The following SYN3 variants were observed in gnomAD, a reference collection of about 807,000 sequenced individuals.
The protein encoded by SYN3 is synapsin III, also known as synapsin-3.
A neutral mutation model predicts 65.8 loss-of-function variants in SYN3; 35 were observed. The observed-to-expected ratio is 0.53, with a 90% CI of 0.41 to 0.70. SYN3 has a LOEUF of 0.70. Among genes scored for constraint, SYN3 ranks in the 30% least tolerant of loss-of-function variants. The pLI is 0.00. For synonymous variants in SYN3, 270 were observed against 292.9 expected (o/e 0.92, Z 0.80); for missense variants, 680 against 749.0 (o/e 0.91, Z 1.08).
chr22:32,944,491 CA>C (rs2051041772), intron 3 of SYN3, among the ~76,000 whole-genome samples: 1 of 152,180 alleles, frequency 6.6e-6, no homozygotes, highest in South Asian at 2.1e-4. Context: ...CAAAATTCAA[CA>C]GCCCTTCATG....
At chr22:32,530,770 C>A (rs943944206) in intron 10 of SYN3, among the ~76,000 whole-genome samples, 9 of 151,826 alleles carry the variant, frequency 5.9e-5, no homozygotes, top group Non-Finnish European at 7.4e-5. Flanking sequence ...TTTGGGAGGC[C>A]GGGGCGGGCG....
At chr22:32,624,309 G>T (rs2059636004) in intron 6 of SYN3, among the ~76,000 whole-genome samples, 1 of 152,152 alleles carries the variant, frequency 6.6e-6, no homozygotes, top group African/African-American at 2.4e-5. Flanking sequence ...TGGGTGGGGG[G>T]TCACTTTCAA....
At chr22:33,013,847 C>T (rs1253346502) in intron 1 of SYN3, among the ~76,000 whole-genome samples, 1 of 152,118 alleles carries the variant, frequency 6.6e-6, no homozygotes, top group African/African-American at 2.4e-5. Context: ...TGGCTTATCT[C>T]ACTTAGCATA....
chr22:32,775,471 G>C (rs1017639339), intron 6 of SYN3, among the ~76,000 whole-genome samples: 2 of 152,176 alleles, frequency 1.3e-5, no homozygotes, highest in African/African-American at 4.8e-5. Context: ...GCAGATAACT[G>C]TCGACGAGGA....
intron 6 of SYN3, among the ~76,000 whole-genome samples, chr22:32,646,564 G>C (rs190197619): frequency 1.3e-5 from 2 of 152,262 alleles, no homozygotes; most frequent in Non-Finnish European, 2.9e-5. Flanking sequence ...TGGGGTAATA[G>C]AGGGATAAAG....
intron 6 of SYN3, chr22:32,857,336 A>C: frequency 6.2e-7 from 1 of 1,614,140 alleles, no homozygotes; most frequent in South Asian, 1.1e-5. Context: ...GCTGGAGGTC[A>C]ACAAGTACCA....
chr22:32,965,823 T>C (rs1338584962), intron 3 of SYN3, among the ~76,000 whole-genome samples: 1 of 151,906 alleles, frequency 6.6e-6, no homozygotes, highest in Non-Finnish European at 1.5e-5. Context: ...GCCTCCCGAG[T>C]AGCTGGGACT....
At chr22:32,999,866 A>C (rs133937) in intron 2 of SYN3, among the ~76,000 whole-genome samples, 60,142 of 151,890 alleles carry the variant, frequency 0.4, 12,302 homozygotes, top group Middle Eastern at 0.47. Flanking sequence ...AGCAAAGTGA[A>C]ACTGGTCAGA....
Position 32,956,112 on chromosome 22 carries a change from C to G in SYN3, c.369+24533G>C, listed in dbSNP as rs148911879. ...GTAGAGAACCCTAATACCGCCCCCC[C>G]CAAAAAATGTTATACAGAACCTGTC... On this transcript the variant is annotated intron_variant, in intron 3 of 13. Transcript: ENST00000358763. 1.7e-4 allele frequency among the ~76,000 whole-genome samples: 24 copies of G among 142,488 alleles called. No homozygotes were observed. In the East Asian group the frequency reaches 2.0e-3, roughly 12 times the overall value. 93.5% of individuals were successfully genotyped at this position (142,488 alleles called of 152,430 possible). A position where few individuals can be genotyped will look rare whatever the true frequency, so the allele number is the denominator to read the frequency against.
intron 6 of SYN3, among the ~76,000 whole-genome samples, chr22:32,605,013 A>G (rs1690851641): frequency 6.6e-6 from 1 of 150,854 alleles, no homozygotes; most frequent in Non-Finnish European, 1.5e-5. Flanking sequence ...CTCAGAAAAA[A>G]AAAAAAAAAA....
chr22:32,860,826 C>T (rs1396497287), intron 6 of SYN3: 1 of 151,956 alleles, frequency 6.6e-6, no homozygotes, highest in Non-Finnish European at 1.5e-5. Context: ...GTGAATGCCA[C>T]CTCCTGAGAT....
At chr22:32,960,929 C>T (rs1039948688) in intron 3 of SYN3, among the ~76,000 whole-genome samples, 1 of 152,210 alleles carries the variant, frequency 6.6e-6, no homozygotes. Flanking sequence ...ACAGGAACTG[C>T]AGGAGAGAGT....
At chr22:32,529,148 AGC>A in intron 10 of SYN3, 140 bp from the exon 11 acceptor site, 1 of 1,041,666 alleles carries the variant, frequency 9.6e-7, no homozygotes, top group South Asian at 1.5e-5. Flanking sequence ...AATCACCTCC[AGC>A]TGGGACTGGC....
chr22:32,897,159 T>A (rs1298039636), intron 4 of SYN3, among the ~76,000 whole-genome samples: 1 of 152,218 alleles, frequency 6.6e-6, no homozygotes, highest in Non-Finnish European at 1.5e-5. Flanking sequence ...GCTGAGCACC[T>A]GAGGCCTCTC....
chr22:32,785,038 C>A (rs2145849835), intron 6 of SYN3: 1 of 151,646 alleles, frequency 6.6e-6, no homozygotes, highest in East Asian at 1.9e-4. Flanking sequence ...CTTCCTAATT[C>A]TCTTCCCTCT....
chr22:32,587,105 C>T (rs1329464118), intron 7 of SYN3, among the ~76,000 whole-genome samples: 1 of 151,662 alleles, frequency 6.6e-6, no homozygotes, highest in East Asian at 1.9e-4. Context: ...GTCTGTAGTC[C>T]CAGCTACTCA....
chr22:32,795,448 G>T (rs1359484477), intron 6 of SYN3, among the ~76,000 whole-genome samples: 1 of 152,198 alleles, frequency 6.6e-6, no homozygotes, highest in Non-Finnish European at 1.5e-5. Context: ...GGAGGGGACT[G>T]AGGGGAAAAG....
rs767716424 is a variant in SYN3, at chr22:33,006,577, T to C, written c.86A>G (p.Asp29Gly). 6 of 1,614,100 alleles carry C rather than the reference T, an allele frequency of 3.7e-6. No individual in the cohort carries two copies. The highest frequency in any genetic ancestry group is 1.1e-5 in the South Asian group (1 of 91,070). The change falls in exon 2 of 14, where the codon GAT becomes GGT. Residue 29 changes from aspartate (D) to glycine (G), a missense_variant. Coordinates refer to ENST00000358763, the MANE Select transcript of SYN3 (RefSeq NM_003490.4). ...NGYMTDLQRP[D>G]SSTSSPASPA... ...GGAAGCAGGTGAGCTGGTGGAGCTA[T>C]CTGGGCGTTGCAGGTCCGTCATATA... is the stretch of plus-strand genomic sequence containing the variant.
intron 6 of SYN3, among the ~76,000 whole-genome samples, chr22:32,698,911 A>T (rs1419105402): frequency 2.0e-5 from 3 of 152,180 alleles, no homozygotes; most frequent in Admixed American, 6.5e-5. Flanking sequence ...AATGTGTTCC[A>T]GGATGGGGGG....
Sources: allele counts gnomAD v4.1 joint callset (sites outside exome capture counted in the v4.1 genomes callset), GRCh38; gene constraint gnomAD v4.1.1; transcripts MANE v1.5; gene names NCBI Gene and HGNC (gene_info 2026-07-23, HGNC 2026-07-21).